GLDC: variants seen among roughly 807,000 people sequenced by gnomAD.
The protein encoded by GLDC is glycine dehydrogenase (decarboxylating), mitochondrial.
GLDC carries 104 observed loss-of-function variants against 121.3 expected under a neutral mutation model. That is an observed-to-expected ratio of 0.86 (90% CI 0.73 to 1.01). The LOEUF (loss-of-function observed/expected upper bound fraction) is 1.01. Ranked by LOEUF, GLDC falls within the 50% of genes least tolerant of loss-of-function variation. GLDC has a pLI of 0.00. For missense variants in GLDC, 1,429 were observed against 1,306.6 expected (o/e 1.09, Z -1.44); for synonymous variants, 546 against 480.6 (o/e 1.14, Z -1.78).
At chr9:6,622,446 G>A (rs1037038020) in intron 2 of GLDC, among the ~76,000 whole-genome samples, 13 of 150,902 alleles carry the variant, frequency 8.6e-5, no homozygotes, top group Non-Finnish European at 1.3e-4. Context: ...GTTTCCCTGT[G>A]TTGGCCGGGC....
intron 15 of GLDC, among the ~76,000 whole-genome samples, chr9:6,571,587 A>G (rs1022206951): frequency 1.3e-5 from 2 of 152,164 alleles, no homozygotes; most frequent in East Asian, 3.8e-4. Context: ...GGCAGCTACT[A>G]AGTGACTGAT....
Position 6,588,264 on chromosome 9 carries a change from A to G in GLDC, c.1707+137T>C, listed in dbSNP as rs1460727765. 3.6e-5 allele frequency: 28 copies of G among 767,572 alleles called. No homozygotes were observed. The Admixed American group carries it at 4.9e-4, about 13-fold the overall frequency. 47.5% of individuals were successfully genotyped at this position (767,572 alleles called of 1,614,324 possible). A position where few individuals can be genotyped will look rare whatever the true frequency, so the allele number is the denominator to read the frequency against. ...AGGGTTACTCCCAAGATTGGTGAAT[A>G]GCAAGGTAAAGAATTATTAAAATAG... is the stretch of plus-strand genomic sequence containing the variant. On this transcript the variant is annotated intron_variant, in intron 14 of 24. Transcript: ENST00000321612.
In GLDC at chr9:6,643,017, C is replaced by T. The variant is rs1474846625; in HGVS notation, c.334+1597G>A. ...AGCTCAAGTGTTTCTGCCACATTAG[C>T]CTCCGGAGTAGCTGGGATTACAGGC... On this transcript the variant is annotated intron_variant, in intron 2 of 24. Transcript: ENST00000321612. Among the ~76,000 whole-genome samples, 2 of 152,050 alleles carry T rather than the reference C, an allele frequency of 1.3e-5. 1 individual carries two copies. Among genetic ancestry groups the T allele is most frequent in the Non-Finnish European group, 2.9e-5 (2 of 68,016 alleles).
At chr9:6,607,744 A>G (rs1170025938) in intron 4 of GLDC, among the ~76,000 whole-genome samples, 1 of 151,942 alleles carries the variant, frequency 6.6e-6, no homozygotes, top group African/African-American at 2.4e-5. Context: ...CCAAGGTTCA[A>G]GTGCTCCTTC....
At chr9:6,607,675 G>A (rs933300258) in intron 4 of GLDC, among the ~76,000 whole-genome samples, 7 of 151,626 alleles carry the variant, frequency 4.6e-5, no homozygotes, top group Admixed American at 1.3e-4. Context: ...ACAGGGTCTC[G>A]GTCTATCGCT....
chr9:6,568,176 C>T (rs1395832312), intron 15 of GLDC, among the ~76,000 whole-genome samples: 2 of 152,102 alleles, frequency 1.3e-5, no homozygotes. Flanking sequence ...AAGACTTGAT[C>T]AGAAATGCTG....
intron 15 of GLDC, among the ~76,000 whole-genome samples, chr9:6,580,380 AC>A (rs1214961556): frequency 6.6e-6 from 1 of 152,132 alleles, no homozygotes; most frequent in East Asian, 1.9e-4. Flanking sequence ...TTCTAACGAC[AC>A]CCAGAACCAG....
intron 22 of GLDC, among the ~76,000 whole-genome samples, chr9:6,539,299 G>A (rs2129660289): frequency 6.6e-6 from 1 of 152,078 alleles, no homozygotes; most frequent in East Asian, 1.9e-4. Context: ...CCAACATGGT[G>A]AAACCCCATC....
intron 2 of GLDC, among the ~76,000 whole-genome samples, chr9:6,643,318 A>G (rs1169093804): frequency 6.6e-6 from 1 of 151,764 alleles, no homozygotes; most frequent in Admixed American, 6.6e-5. Flanking sequence ...TGAAACCAAC[A>G]AAGGCAGCAG....
chr9:6,574,074 T>C (rs568672367), intron 15 of GLDC, among the ~76,000 whole-genome samples: 1 of 152,344 alleles, frequency 6.6e-6, no homozygotes, highest in African/African-American at 2.4e-5. Flanking sequence ...TTTAGTTCCA[T>C]AATTAACCTT....
Position 6,592,179 on chromosome 9 carries a change from G to A in GLDC, c.1446C>T (p.Asp482=), listed in dbSNP as rs201147701. Residue 482 remains aspartate (D), a synonymous_variant, in exon 11 of 25, where the codon GAC becomes GAT. Coordinates refer to ENST00000321612, the MANE Select transcript of GLDC (RefSeq NM_000170.3). ...LDETVNEKDL[D]DLLWIFGCES... ...CACAACCAAAGATCCACAACAAATC[G>A]TCCAGATCTTTTTCATTGACTGTTT... is the stretch of plus-strand genomic sequence containing the variant. 1.0e-5 allele frequency: 16 copies of A among 1,607,694 alleles called. No individual in the cohort carries two copies. The highest frequency in any genetic ancestry group is 2.7e-5 in the African/African-American group (2 of 74,788).
chr9:6,558,984 C>A (rs1817690546), intron 16 of GLDC, among the ~76,000 whole-genome samples: 1 of 152,166 alleles, frequency 6.6e-6, no homozygotes, highest in South Asian at 2.1e-4. Context: ...AACCTTGTCT[C>A]AGTTAGGATA....
intron 2 of GLDC, among the ~76,000 whole-genome samples, chr9:6,638,753 A>G (rs534236166): frequency 1.3e-5 from 2 of 152,240 alleles, no homozygotes; most frequent in East Asian, 1.9e-4. Context: ...GCTCCCGCCT[A>G]TAATCCCAGC....
At chr9:6,592,114 T>C in intron 11 of GLDC, 29 bp downstream of exon 11, 1 of 1,344,134 alleles carries the variant, frequency 7.4e-7, no homozygotes. Context: ...ATAGTTATGA[T>C]GAGGAACGCA....
chr9:6,544,225 G>A (rs1025859295), intron 21 of GLDC, among the ~76,000 whole-genome samples: 2 of 152,128 alleles, frequency 1.3e-5, no homozygotes, highest in South Asian at 2.1e-4. Flanking sequence ...TAGTTCAAGC[G>A]AGAATGAGGT....
At chr9:6,543,417 A>G (rs1490776898) in intron 21 of GLDC, among the ~76,000 whole-genome samples, 2 of 152,126 alleles carry the variant, frequency 1.3e-5, no homozygotes, top group African/African-American at 4.8e-5. Context: ...CTGGCAGCGC[A>G]AGAGGAGAGT....
chr9:6,639,124 C>G lies in GLDC; in HGVS notation c.334+5490G>C, dbSNP rs1036501563. The G allele has an allele frequency of 2.9e-5, 21 of 731,380 alleles. No individual in the cohort carries two copies. In the Admixed American group the frequency reaches 4.1e-4, roughly 14 times the overall value. The allele number at this position is 731,380 out of a possible 1,614,324, so 45.3% of individuals were successfully genotyped here. On this transcript the variant is annotated intron_variant, in intron 2 of 24. Coordinates refer to ENST00000321612, the MANE Select transcript of GLDC (RefSeq NM_000170.3). Reference sequence around the variant, plus strand: ...GCCTATTGAGAATTAATGACAAAAACAGAGCTTTTTCACAAGATGGCGCCG... The same window carrying G: ...GCCTATTGAGAATTAATGACAAAAAGAGAGCTTTTTCACAAGATGGCGCCG...
intron 8 of GLDC, among the ~76,000 whole-genome samples, chr9:6,595,391 C>T (rs1460720484): frequency 2.0e-5 from 3 of 152,108 alleles, no homozygotes; most frequent in Non-Finnish European, 2.9e-5. Flanking sequence ...ATCATGTCAC[C>T]CTTAAGGGCA....
chr9:6,585,868 G>GTATCTATCTATCTATC (rs1214635048), intron 15 of GLDC, among the ~76,000 whole-genome samples: 22 of 116,356 alleles, frequency 1.9e-4, no homozygotes, highest in African/African-American at 5.9e-4. Context: ...ATGTATGTAT[G>GTATCTATCTATCTATC]TATCTATCTA....
Sources: allele counts gnomAD v4.1 joint callset (sites outside exome capture counted in the v4.1 genomes callset), GRCh38; gene constraint gnomAD v4.1.1; transcripts MANE v1.5; gene names NCBI Gene and HGNC (gene_info 2026-07-23, HGNC 2026-07-21).